WDPCP: variants seen among roughly 807,000 people sequenced by gnomAD.
WDPCP encodes WD repeat containing planar cell polarity effector.
In WDPCP, 71 loss-of-function variants were observed where a neutral mutation model predicts 93.1. The observed-to-expected ratio is 0.76, with a 90% CI of 0.63 to 0.93. The LOEUF is 0.93. WDPCP is among the 40% of genes least tolerant of loss of function. The probability of loss-of-function intolerance (pLI) is 0.00; values close to 1 mark genes in which losing one functional copy is unlikely to be tolerated. For missense variants in WDPCP, 844 were observed against 887.4 expected (o/e 0.95, Z 0.62); for synonymous variants, 315 against 315.0 (o/e 1.00, Z 0.00).
At chr2:63,645,207 T>C (rs150500598) in intron 3 of WDPCP, among the ~76,000 whole-genome samples, 1 of 152,332 alleles carries the variant, frequency 6.6e-6, no homozygotes, top group East Asian at 1.9e-4. Context: ...TGTGTTGCCA[T>C]TATAACTTGT....
intron 3 of WDPCP, among the ~76,000 whole-genome samples, chr2:63,596,069 G>C (rs962815059): frequency 6.6e-6 from 1 of 152,112 alleles, no homozygotes; most frequent in Non-Finnish European, 1.5e-5. Context: ...ACCCAGAAGA[G>C]CTCAGCTAAG....
In WDPCP at chr2:63,480,888, G is replaced by A. The variant is rs150940506; in HGVS notation, c.384+3716C>T. ...AATAACAACAAAGATAAATAGCTGG[G>A]ACCTAATTAAACTAAAGAGCTTTTG... On this transcript the variant is annotated intron_variant, in intron 6 of 17. Coordinates refer to ENST00000272321, the MANE Select transcript of WDPCP (RefSeq NM_015910.7). Among the ~76,000 whole-genome samples, 200 of 152,166 alleles carry A rather than the reference G, an allele frequency of 1.3e-3. 6 individuals carry two copies. The East Asian group carries it at 0.034, about 26-fold the overall frequency.
chr2:63,789,967 A>G (rs541681564), intron 2 of WDPCP, among the ~76,000 whole-genome samples: 6 of 152,348 alleles, frequency 3.9e-5, no homozygotes, highest in African/African-American at 1.4e-4. Context: ...GAATTGTGAT[A>G]TTGTTATTCT....
At chr2:63,355,472 G>A (rs1472075706) in intron 12 of WDPCP, among the ~76,000 whole-genome samples, 3 of 152,074 alleles carry the variant, frequency 2.0e-5, no homozygotes, top group Non-Finnish European at 4.4e-5. Flanking sequence ...AGAAAGAAAA[G>A]GCTGCTACCA....
intron 6 of WDPCP, among the ~76,000 whole-genome samples, chr2:63,465,409 A>C (rs1344943766): frequency 6.6e-6 from 1 of 152,094 alleles, no homozygotes; most frequent in Non-Finnish European, 1.5e-5. Flanking sequence ...TGACAGTCAC[A>C]TTAGGTTTGA....
Position 63,143,976 on chromosome 2 carries a change from A to T in WDPCP, c.2190+8938T>A, listed in dbSNP as rs1671279904. ...TGTTCTTTGTGCTTCTTGTATTTGG[A>T]TGTCTAGGTCTCTAGCAAGGCTGGG... is the stretch of plus-strand genomic sequence containing the variant. On this transcript the variant is annotated intron_variant, in intron 17 of 17. Transcript: ENST00000272321. Among the ~76,000 whole-genome samples, 3 of 152,136 alleles carry T rather than the reference A, an allele frequency of 2.0e-5. No individual in the cohort carries two copies. The East Asian group carries it at 5.8e-4, about 29-fold the overall frequency.
At chr2:63,148,042 T>A (rs947141558) in intron 17 of WDPCP, among the ~76,000 whole-genome samples, 5 of 151,648 alleles carry the variant, frequency 3.3e-5, no homozygotes, top group African/African-American at 1.2e-4. Flanking sequence ...AAAAGTGATA[T>A]TTATGGTGAT....
chr2:63,672,570 G>T (rs935883392), intron 2 of WDPCP, among the ~76,000 whole-genome samples: 1 of 151,778 alleles, frequency 6.6e-6, no homozygotes, highest in Non-Finnish European at 1.5e-5. Flanking sequence ...TAAAATTGTG[G>T]TAAAATATGC....
At chr2:63,647,951 C>T (rs1423101754) in intron 3 of WDPCP, among the ~76,000 whole-genome samples, 1 of 152,212 alleles carries the variant, frequency 6.6e-6, no homozygotes, top group Non-Finnish European at 1.5e-5. Flanking sequence ...CTTAGCTCTG[C>T]ATACTACCAT....
intron 6 of WDPCP, among the ~76,000 whole-genome samples, chr2:63,466,590 C>T (rs1699359065): frequency 6.6e-6 from 1 of 152,078 alleles, no homozygotes; most frequent in Admixed American, 6.6e-5. Context: ...ATTAAAAAAT[C>T]AGTACTAGTA....
At chr2:63,292,704 T>A (rs902794961) in intron 13 of WDPCP, among the ~76,000 whole-genome samples, 4 of 152,140 alleles carry the variant, frequency 2.6e-5, no homozygotes, top group African/African-American at 9.7e-5. Flanking sequence ...TCCCTTATCA[T>A]CCCTGGATTC....
intron 10 of WDPCP, among the ~76,000 whole-genome samples, chr2:63,390,273 GAAC>G (rs1693117766): frequency 7.5e-6 from 1 of 133,976 alleles, no homozygotes; most frequent in Admixed American, 8.1e-5. Flanking sequence ...TATGGAAACT[GAAC>G]AACATGCTCC....
chr2:63,738,713 G>A (rs1009613273), intron 2 of WDPCP, among the ~76,000 whole-genome samples: 1 of 152,098 alleles, frequency 6.6e-6, no homozygotes, highest in East Asian at 1.9e-4. Flanking sequence ...AAGGATAAAT[G>A]TTTATGTTTT....
intron 14 of WDPCP, among the ~76,000 whole-genome samples, chr2:63,192,347 G>C (rs1442269218): frequency 6.6e-6 from 1 of 151,872 alleles, no homozygotes; most frequent in East Asian, 1.9e-4. Context: ...ATTCCATGAA[G>C]TAGACAAAAA....
At chr2:63,706,766 G>A (rs1286757980) in intron 2 of WDPCP, among the ~76,000 whole-genome samples, 4 of 151,082 alleles carry the variant, frequency 2.6e-5, no homozygotes, top group Non-Finnish European at 4.4e-5. Context: ...ACAGGCGCCC[G>A]CCACCGCGCC....
intron 17 of WDPCP, among the ~76,000 whole-genome samples, chr2:63,133,886 C>T (rs1032968245): frequency 2.0e-5 from 3 of 152,180 alleles, no homozygotes; most frequent in African/African-American, 7.2e-5. Flanking sequence ...ATGACATGTC[C>T]TACTGTTCGG....
At chr2:63,374,762 T>C (rs1040812862) in intron 12 of WDPCP, among the ~76,000 whole-genome samples, 1 of 152,142 alleles carries the variant, frequency 6.6e-6, no homozygotes, top group East Asian at 1.9e-4. Flanking sequence ...TAGAGCAAAG[T>C]TAAAAGATTA....
At chr2:63,325,060 C>G (rs755323028) in intron 12 of WDPCP, among the ~76,000 whole-genome samples, 1 of 152,152 alleles carries the variant, frequency 6.6e-6, no homozygotes, top group African/African-American at 2.4e-5. Flanking sequence ...AGGCCCTAAA[C>G]AAAATCTGGA....
intron 12 of WDPCP, chr2:63,369,531 A>C (rs1294049523): frequency 2.2e-6 from 1 of 456,330 alleles, no homozygotes; most frequent in East Asian, 6.9e-5. Flanking sequence ...ACAATTCCAA[A>C]CAGATACCTC....
Sources: gnomAD v4.1 joint callset for allele counts (sites outside exome capture counted in the v4.1 genomes callset) on GRCh38, gnomAD v4.1.1 for gene constraint, MANE v1.5 for transcripts, NCBI Gene and HGNC (gene_info 2026-07-23, HGNC 2026-07-21) for gene names.